ZNF333: variants seen among roughly 807,000 people sequenced by gnomAD.
ZNF333 encodes zinc finger protein 333.
Under a neutral mutation model 76.1 loss-of-function variants are expected in ZNF333, and 61 were observed. The observed-to-expected ratio is 0.80, with a 90% CI of 0.65 to 0.99. ZNF333 has a LOEUF of 0.99. Ranked by LOEUF, ZNF333 falls within the 50% of genes least tolerant of loss-of-function variation. ZNF333 has a pLI of 0.00. For missense variants in ZNF333, 717 were observed against 822.4 expected, an observed-to-expected ratio of 0.87 and a Z score of 1.57; for synonymous variants, 284 against 305.0, an observed-to-expected ratio of 0.93 and a Z score of 0.72.
At position 14,705,065 on chromosome 19, in the gene ZNF333, G is replaced by T. The variant is rs756420530; in HGVS notation, c.318G>T (p.Leu106=). 6.2e-7 allele frequency: 1 copy of T among 1,613,924 alleles called. No individual in the cohort carries two copies. Among genetic ancestry groups the T allele is most frequent in the East Asian group, 2.2e-5 (1 of 44,862 alleles). ...SSRDMQMGPG[L]FLRMQLVPSI... is the part of the protein sequence containing the mutation. The stretch of plus-strand genomic sequence containing the variant: ...TTGTCTTTTGCCAGGGGCCGGGGCT[G>T]TTCCTGAGGATGCAGCTGGTGCCCT... Residue 106 remains leucine, a synonymous_variant, in exon 6 of 12, where the codon CTG becomes CTT. Coordinates refer to ENST00000292530, the MANE Select transcript of ZNF333 (RefSeq NM_032433.4).
At chr19:14,732,990 C>G (rs1246522992) in exon 12 of ZNF333, 1 of 151,952 alleles carries the variant, frequency 6.6e-6, no homozygotes, top group Non-Finnish European at 1.5e-5. Flanking sequence ...GGGATATGGG[C>G]TCTACACTCA....
Position 14,716,358 on chromosome 19 carries a change from A to G in ZNF333, c.727+120A>G. On this transcript the variant is annotated intron_variant, in intron 9 of 11. Transcript: ENST00000292530. ...ACTGCAACCTCCGCTTCCTGGGCTC[A>G]GGTGATCCTCCCACCCCAGCCTCCC... The G allele has an allele frequency of 5.8e-6, 7 of 1,199,720 alleles. No individual in the cohort carries two copies. The South Asian group carries it at 1.2e-4, about 20-fold the overall frequency. The allele number at this position is 1,199,720 out of a possible 1,614,324, so 74.3% of individuals were successfully genotyped here. A position where few individuals can be genotyped will look rare whatever the true frequency, so the allele number is the denominator to read the frequency against.
chr19:14,693,980 T>TAAAAA (rs61027794), intron 2 of ZNF333, among the ~76,000 whole-genome samples: 1 of 113,130 alleles, frequency 8.8e-6, no homozygotes, highest in South Asian at 2.8e-4. Flanking sequence ...ACCTTGTCTC[T>TAAAAA]AAAAAAAAAA....
At chr19:14,711,199 G>A (rs1190473451) in intron 7 of ZNF333, among the ~76,000 whole-genome samples, 1 of 152,134 alleles carries the variant, frequency 6.6e-6, no homozygotes, top group Non-Finnish European at 1.5e-5. Context: ...AGGAAAGCAG[G>A]TGTTCAACAT....
intron 4 of ZNF333, 86 bp downstream of exon 4, chr19:14,695,747 C>T: frequency 8.3e-7 from 1 of 1,198,202 alleles, no homozygotes; most frequent in Non-Finnish European, 1.2e-6. Flanking sequence ...TTCAAAGGCC[C>T]TTTGTTCTGA....
downstream of ZNF333, among the ~76,000 whole-genome samples, chr19:14,722,433 A>C (rs898990353): frequency 6.6e-6 from 1 of 152,226 alleles, no homozygotes; most frequent in African/African-American, 2.4e-5. Flanking sequence ...AAAATGTCTA[A>C]GTCCTTTGAC....
At chr19:14,698,416 A>C (rs34362103) in intron 4 of ZNF333, among the ~76,000 whole-genome samples, 52,587 of 147,750 alleles carry the variant, frequency 0.36, 9,901 homozygotes, top group East Asian at 0.61. Context: ...ATGGTGGTGC[A>C]TGCCTGTAAT....
intron 1 of ZNF333, 108 bp downstream of exon 1, chr19:14,690,258 C>T (rs1382790320): frequency 1.3e-5 from 2 of 152,264 alleles, no homozygotes; most frequent in Non-Finnish European, 1.5e-5. Flanking sequence ...GGTTTCCTCC[C>T]TGCGATCAGC....
intron 5 of ZNF333, among the ~76,000 whole-genome samples, chr19:14,704,319 C>T (rs770856885): frequency 3.9e-5 from 6 of 152,102 alleles, no homozygotes; most frequent in Non-Finnish European, 7.4e-5. Flanking sequence ...CAATCTCGCT[C>T]TGTCGTCCAG....
intron 1 of ZNF333, among the ~76,000 whole-genome samples, chr19:14,692,434 A>G (rs1414522365): frequency 6.6e-6 from 1 of 152,182 alleles, no homozygotes; most frequent in Non-Finnish European, 1.5e-5. Flanking sequence ...AAGTAGAGAA[A>G]ATAAAGTACT....
Position 14,690,125 on chromosome 19 carries a change from T to C in ZNF333, c.-67T>C, listed in dbSNP as rs1343935221. On this transcript the variant is annotated 5_prime_UTR_variant, in exon 1 of 12. Coordinates refer to ENST00000292530, the MANE Select transcript of ZNF333 (RefSeq NM_032433.4). ...CGCGGCGCGGTGCGGCACGGCACGGTGGGAGTGTCTCCGGCTGGCTTGCAG... is the reference window on the plus strand; with the variant it reads ...CGCGGCGCGGTGCGGCACGGCACGGCGGGAGTGTCTCCGGCTGGCTTGCAG... 3.2e-5 allele frequency: 4 copies of C among 126,452 alleles called. No homozygotes were observed. Among genetic ancestry groups the C allele is most frequent in the African/African-American group, 6.1e-5 (2 of 32,906 alleles). 7.8% of individuals were successfully genotyped at this position (126,452 alleles called of 1,614,324 possible). A position where few individuals can be genotyped will look rare whatever the true frequency, so the allele number is the denominator to read the frequency against.
intron 5 of ZNF333, among the ~76,000 whole-genome samples, chr19:14,701,238 T>C (rs1448105044): frequency 6.6e-6 from 1 of 152,146 alleles, no homozygotes; most frequent in Admixed American, 6.5e-5. Context: ...CTTTTTTCTT[T>C]CTTTTCTTTT....
chr19:14,725,996 G>A (rs971898082), downstream of ZNF333, among the ~76,000 whole-genome samples: 3 of 152,192 alleles, frequency 2.0e-5, no homozygotes, highest in African/African-American at 7.2e-5. Flanking sequence ...TGGGAGCTAT[G>A]CCCCAATGTC....
intron 6 of ZNF333, among the ~76,000 whole-genome samples, chr19:14,705,531 C>T (rs1307742320): frequency 6.6e-6 from 1 of 152,200 alleles, no homozygotes; most frequent in African/African-American, 2.4e-5. Context: ...AAGGGAGCAT[C>T]CAGGCTCAGG....
chr19:14,696,731 CTT>C (rs55742444), intron 4 of ZNF333, among the ~76,000 whole-genome samples: 34,756 of 83,756 alleles, frequency 0.41, 5,173 homozygotes, highest in East Asian at 0.58. Context: ...ACCTAATCAC[CTT>C]TTTTTTTTTT....
chr19:14,692,707 T>A (rs1487651419), intron 1 of ZNF333, among the ~76,000 whole-genome samples: 1 of 151,656 alleles, frequency 6.6e-6, no homozygotes, highest in Non-Finnish European at 1.5e-5. Flanking sequence ...GAGATGGGGT[T>A]TCACCATGTT....
At position 14,698,895 on chromosome 19, in the gene ZNF333, T is replaced by TATAG. The variant is rs1288179630; in HGVS notation, c.224-300_224-297dup. ...ATGTATGTGTGTACACACACACAAATATAGATATATATATATATATATATA... is the reference window on the plus strand; with the variant it reads ...ATGTATGTGTGTACACACACACAAATATAGATAGATATATATATATATATATATA... On this transcript the variant is annotated intron_variant, in intron 4 of 11. Transcript: ENST00000292530. Among the ~76,000 whole-genome samples the TATAG allele has an allele frequency of 7.6e-5, 8 of 104,586 alleles. 1 individual carries two copies. Among genetic ancestry groups the TATAG allele is most frequent in the Non-Finnish European group, 1.1e-4 (6 of 55,476 alleles). 68.6% of individuals were successfully genotyped at this position (104,586 alleles called of 152,430 possible).
At chr19:14,716,971 A>G (rs368037283) in intron 9 of ZNF333, 23 bp from the exon 10 acceptor site, 4 of 1,599,746 alleles carry the variant, frequency 2.5e-6, no homozygotes, top group African/African-American at 1.3e-5. Flanking sequence ...CTCGCACAAC[A>G]TGTGTTTTTT....
chr19:14,729,128 AAC>A (rs1382626249), intron 11 of ZNF333, among the ~76,000 whole-genome samples: 3 of 152,096 alleles, frequency 2.0e-5, no homozygotes, highest in Non-Finnish European at 4.4e-5. Context: ...TGTTTATAGT[AAC>A]TTGGGGCAGG....
Sources: allele counts gnomAD v4.1 joint callset (sites outside exome capture counted in the v4.1 genomes callset), GRCh38; gene constraint gnomAD v4.1.1; transcripts MANE v1.5; gene names NCBI Gene and HGNC (gene_info 2026-07-23, HGNC 2026-07-21).